The following RC3H2 variants were observed in gnomAD, a reference collection of about 807,000 sequenced individuals.
RC3H2 encodes ring finger and CCCH-type domains 2.
In RC3H2, 31 loss-of-function variants were observed where a neutral mutation model predicts 133.3. The ratio of observed to expected loss-of-function variants is 0.23; its 90% CI spans 0.17 to 0.31. The LOEUF is 0.31. Among genes scored for constraint, RC3H2 ranks in the 10% least tolerant of loss-of-function variants. RC3H2 has a pLI of 1.00. For synonymous variants in RC3H2, 517 were observed against 502.2 expected, an observed-to-expected ratio of 1.03 and a Z score of -0.40; for missense variants, 1,175 against 1,437.2, an observed-to-expected ratio of 0.82 and a Z score of 2.95.
chr9:122,890,572 C>G (rs748378694), intron 3 of RC3H2, 27 bp from the exon 4 acceptor site: 1 of 1,543,682 alleles, frequency 6.5e-7, no homozygotes, highest in Non-Finnish European at 8.8e-7. Context: ...ACAAAGGGAG[C>G]TAAAGTTTTT....
rs1247686377 is a variant in RC3H2 at position 122,892,113 on chromosome 9, AT to A, written c.349+795del. 4.9e-3 allele frequency among the ~76,000 whole-genome samples: 701 copies of A among 144,412 alleles called. 1 individual carries two copies. The highest frequency in any genetic ancestry group is 5.1e-3 in the Non-Finnish European group (334 of 65,386). 94.7% of individuals were successfully genotyped at this position (144,412 alleles called of 152,430 possible). A position where few individuals can be genotyped will look rare whatever the true frequency, so the allele number is the denominator to read the frequency against. ...TTTCAAGATGCAGTGACTCTGGTAAATTTTTTTTTTTTTTTTGAGACAAGGT... is the reference window on the plus strand; with the variant it reads ...TTTCAAGATGCAGTGACTCTGGTAAATTTTTTTTTTTTTTTGAGACAAGGT... On this transcript the variant is annotated intron_variant, in intron 3 of 20. Transcript: ENST00000357244.
intron 9 of RC3H2, among the ~76,000 whole-genome samples, chr9:122,871,471 C>T (rs1021702928): frequency 3.4e-5 from 5 of 147,348 alleles, no homozygotes; most frequent in African/African-American, 1.3e-4. Flanking sequence ...CTAATTTTTT[C>T]TGTTTTTAGT....
chr9:122,860,003 A>G lies in RC3H2; in HGVS notation c.1763T>C (p.Val588Ala), dbSNP rs771213193. 1.9e-6 allele frequency: 3 copies of G among 1,614,096 alleles called. No homozygotes were observed. In the South Asian group the frequency reaches 3.3e-5, roughly 18 times the overall value. ...AATGTTTTCAGAATGCGGAGGATATACTGGTACTCTAGTTAGAAATGGGCT... is the reference window on the plus strand; with the variant it reads ...AATGTTTTCAGAATGCGGAGGATATGCTGGTACTCTAGTTAGAAATGGGCT... ...KSSPFLTRVP[V>A]YPPHSENIQY... is the part of the protein sequence containing the mutation. Residue 588 changes from valine to alanine, a missense_variant, in exon 11 of 21, where the codon GTA (valine) becomes GCA (alanine). Physicochemically the swap from Val to Ala is moderately conservative, Grantham distance 64. Around this residue, in one of 8 missense-constraint regions of RC3H2, gnomAD observed 490 missense variants for 492.8 expected, o/e 0.99. Transcript: ENST00000357244.
intron 4 of RC3H2, among the ~76,000 whole-genome samples, chr9:122,885,815 C>T (rs932247919): frequency 2.0e-5 from 3 of 152,154 alleles, no homozygotes; most frequent in African/African-American, 4.8e-5. Context: ...ACACTCTATA[C>T]ACAGCCCCTG....
At position 122,859,028 on chromosome 9, in the gene RC3H2, C is replaced by T. The variant is rs752515615; in HGVS notation, c.1924G>A (p.Val642Ile). The change falls in exon 12 of 21, where the codon GTT (valine) becomes ATT (isoleucine). Residue 642 changes from valine (V) to isoleucine (I), a missense_variant. Physicochemically the swap from Val to Ile is conservative, Grantham distance 29. Around this residue, in one of 8 missense-constraint regions of RC3H2, gnomAD observed 490 missense variants for 492.8 expected, o/e 0.99. Coordinates refer to ENST00000357244, the MANE Select transcript of RC3H2 (RefSeq NM_001100588.3). ...GCAGGTGGGAGGGAGGACTCTGGAA[C>T]GTTATTGGACCTCACAAAGCGAGGA... Reference protein sequence around the residue: ...CVPRFVRSNNVPESSLPPASM... With the variant: ...CVPRFVRSNNIPESSLPPASM... The T allele has an allele frequency of 2.5e-6, 4 of 1,612,618 alleles. No individual in the cohort carries two copies. The highest frequency in any genetic ancestry group is 2.2e-5 in the East Asian group (1 of 44,842).
intron 3 of RC3H2, among the ~76,000 whole-genome samples, chr9:122,890,890 A>G (rs540275696): frequency 6.6e-6 from 1 of 152,230 alleles, no homozygotes; most frequent in South Asian, 2.1e-4. Context: ...CCACATTATC[A>G]AATTTTCCCT....
intron 2 of RC3H2, among the ~76,000 whole-genome samples, chr9:122,893,372 T>C (rs1318141380): frequency 6.6e-6 from 1 of 152,184 alleles, no homozygotes; most frequent in East Asian, 1.9e-4. Flanking sequence ...TGGATGCCTG[T>C]GATTCTAGCT....
intron 9 of RC3H2, among the ~76,000 whole-genome samples, chr9:122,868,085 C>T (rs915802712): frequency 1.1e-4 from 15 of 137,436 alleles, no homozygotes; most frequent in African/African-American, 3.3e-4. Context: ...GTCAGCACCC[C>T]GCCCGGCCAG....
intron 18 of RC3H2, among the ~76,000 whole-genome samples, chr9:122,852,992 T>C (rs1830109447): frequency 6.6e-6 from 1 of 152,170 alleles, no homozygotes; most frequent in South Asian, 2.1e-4. Flanking sequence ...CGTGTCTGTG[T>C]AGAAAGAAGT....
At chr9:122,867,976 G>A (rs1184666711) in intron 9 of RC3H2, among the ~76,000 whole-genome samples, 10 of 69,686 alleles carry the variant, frequency 1.4e-4, no homozygotes, top group African/African-American at 2.1e-4. Context: ...CAGCCGCCCC[G>A]TCCGGGAGGT....
intron 3 of RC3H2, among the ~76,000 whole-genome samples, chr9:122,892,351 A>C (rs1377867730): frequency 6.6e-6 from 1 of 152,044 alleles, no homozygotes; most frequent in Non-Finnish European, 1.5e-5. Context: ...GGGCTCAAGA[A>C]ATCTACCCAC....
intron 4 of RC3H2, among the ~76,000 whole-genome samples, chr9:122,884,299 A>C (rs1394663041): frequency 7.9e-5 from 12 of 152,150 alleles, no homozygotes; most frequent in Admixed American, 5.9e-4. Context: ...TCTCTAAAAA[A>C]AAAATTAAAC....
intron 4 of RC3H2, among the ~76,000 whole-genome samples, chr9:122,885,025 T>G (rs1055607398): frequency 2.0e-5 from 3 of 151,964 alleles, no homozygotes; most frequent in African/African-American, 7.2e-5. Flanking sequence ...CACACTTGAA[T>G]AAATACTATA....
chr9:122,880,151 T>C (rs1248141518), intron 6 of RC3H2, 26 bp from the exon 7 acceptor site: 43 of 1,612,646 alleles, frequency 2.7e-5, no homozygotes, highest in Non-Finnish European at 3.6e-5. Flanking sequence ...GAGAATGCTT[T>C]TTACTTTGGT....
At chr9:122,857,751 T>C (rs1830299788) in intron 13 of RC3H2, among the ~76,000 whole-genome samples, 172 bp downstream of exon 13, 1 of 152,156 alleles carries the variant, frequency 6.6e-6, no homozygotes, top group African/African-American at 2.4e-5. Flanking sequence ...GTCTTCAGAG[T>C]CTCATAACAC....
At chr9:122,885,939 G>A (rs1268074687) in intron 4 of RC3H2, among the ~76,000 whole-genome samples, 1 of 152,194 alleles carries the variant, frequency 6.6e-6, no homozygotes, top group African/African-American at 2.4e-5. Flanking sequence ...CCAGGCTGGA[G>A]TGCAGTGGCA....
intron 1 of RC3H2, among the ~76,000 whole-genome samples, chr9:122,901,878 G>A (rs1174036680): frequency 6.6e-6 from 1 of 150,474 alleles, no homozygotes; most frequent in Admixed American, 6.6e-5. Flanking sequence ...CATGAGCCTC[G>A]GCGCCCAGTC....
At chr9:122,861,876 G>C (rs559903417) in intron 10 of RC3H2, among the ~76,000 whole-genome samples, 2 of 152,170 alleles carry the variant, frequency 1.3e-5, no homozygotes, top group Non-Finnish European at 2.9e-5. Flanking sequence ...AGGTACAAAC[G>C]TAAGGGTTTA....
In RC3H2 at chr9:122,859,063, G is replaced by A. The variant is rs1830358663; in HGVS notation, c.1889C>T (p.Ala630Val). The A allele has an allele frequency of 2.5e-6, 4 of 1,603,706 alleles. No individual in the cohort carries two copies. The highest frequency in any genetic ancestry group is 3.4e-6 in the Non-Finnish European group (4 of 1,173,170). ...CCTCACAAAGCGAGGAACACAGGGA[G>A]CCACACCAGCTGGTACCGTTGGAGG... ...PPPPTVPAGV[A>V]PCVPRFVRSN... The change falls in exon 12 of 21, where the codon GCT becomes GTT. Residue 630 changes from alanine to valine, a missense_variant. By Grantham distance (64) the Ala-to-Val change is moderately conservative. This residue lies in a region of RC3H2 where 490 missense variants were observed against 492.8 expected (regional missense o/e 0.99). Transcript: ENST00000357244.
Sources: allele counts gnomAD v4.1 joint callset (sites outside exome capture counted in the v4.1 genomes callset), GRCh38; gene constraint gnomAD v4.1.1; regional missense constraint gnomAD v4.1.1; transcripts MANE v1.5; gene names NCBI Gene and HGNC (gene_info 2026-07-23, HGNC 2026-07-21).